KCNT2: variants seen among roughly 807,000 people sequenced by gnomAD.
KCNT2 encodes the protein potassium channel subfamily T member 2.
KCNT2 carries 67 observed loss-of-function variants against 153.8 expected under a neutral mutation model. That is an observed-to-expected ratio of 0.44 (90% CI 0.36 to 0.53). The LOEUF (loss-of-function observed/expected upper bound fraction) is 0.53, where lower values mean the gene tolerates loss of function less well. KCNT2 is among the 20% of genes least tolerant of loss of function. KCNT2 has a pLI of 0.00. For synonymous variants in KCNT2, 500 were observed against 458.8 expected (o/e 1.09, Z -1.15); for missense variants, 975 against 1,354.8 (o/e 0.72, Z 4.40).
intron 14 of KCNT2, 67 bp from the exon 15 acceptor site, chr1:196,342,295 A>T (rs1396360286): frequency 3.0e-5 from 42 of 1,409,670 alleles, no homozygotes; most frequent in Non-Finnish European, 4.1e-5. Context: ...GTTAAAAAAC[A>T]GTTGTTATAG....
chr1:196,337,751 T>C (rs2148136934), intron 16 of KCNT2, among the ~76,000 whole-genome samples: 1 of 152,262 alleles, frequency 6.6e-6, no homozygotes, highest in Non-Finnish European at 1.5e-5. Flanking sequence ...GCACTTCATT[T>C]AAAATCTGCT....
intron 13 of KCNT2, among the ~76,000 whole-genome samples, chr1:196,375,043 C>A (rs1219143666): frequency 6.6e-6 from 1 of 151,644 alleles, no homozygotes; most frequent in Non-Finnish European, 1.5e-5. Context: ...ATGTGTTATA[C>A]TTTGAAAATA....
At chr1:196,608,093 C>A in intron 1 of KCNT2, 122 bp downstream of exon 1, 3 of 828,390 alleles carry the variant, frequency 3.6e-6, no homozygotes, top group South Asian at 1.4e-5. Flanking sequence ...ACTCCCTCCC[C>A]CAGCCTAGTC....
At chr1:196,447,156 TCA>T (rs1176589824) in intron 8 of KCNT2, among the ~76,000 whole-genome samples, 3 of 151,528 alleles carry the variant, frequency 2.0e-5, no homozygotes, top group Admixed American at 1.3e-4. Context: ...TGATAAAAAC[TCA>T]GTTTCATTTC....
At chr1:196,331,531 A>G (rs1303074102) in intron 17 of KCNT2, among the ~76,000 whole-genome samples, 1 of 152,060 alleles carries the variant, frequency 6.6e-6, no homozygotes, top group Non-Finnish European at 1.5e-5. Flanking sequence ...CGAAAATTAT[A>G]CGAAGTTCAA....
intron 1 of KCNT2, among the ~76,000 whole-genome samples, chr1:196,586,674 G>C (rs1222337246): frequency 1.3e-5 from 2 of 151,560 alleles, no homozygotes; most frequent in Non-Finnish European, 2.9e-5. Flanking sequence ...AATAGTCAGA[G>C]GCAAATAATT....
rs1221194325 is a variant in KCNT2, at chr1:196,390,910, A to T, written c.1294+7653T>A. On this transcript the variant is annotated intron_variant, in intron 13 of 27. Transcript: ENST00000294725. ...TCATTCTTTTTTTTTTTTTTTTTTA[A>T]AAAAAAACATATGTTAGGAGACTCT... Among the ~76,000 whole-genome samples, 236 of 91,522 alleles carry T rather than the reference A, an allele frequency of 2.6e-3. 1 individual carries two copies. The highest frequency in any genetic ancestry group is 8.6e-3 in the East Asian group (27 of 3,152). 60.0% of individuals were successfully genotyped at this position (91,522 alleles called of 152,430 possible).
intron 15 of KCNT2, among the ~76,000 whole-genome samples, chr1:196,341,181 A>T (rs1665590386): frequency 6.6e-6 from 1 of 152,074 alleles, no homozygotes; most frequent in Non-Finnish European, 1.5e-5. Context: ...CTTTTAATAC[A>T]GCTAGCCTAA....
chr1:196,361,148 G>A (rs899326707), intron 14 of KCNT2, among the ~76,000 whole-genome samples: 5 of 151,788 alleles, frequency 3.3e-5, no homozygotes, highest in African/African-American at 1.2e-4. Flanking sequence ...TAAAAGAACC[G>A]GTTGAGTTAG....
At chr1:196,488,142 G>A (rs571858154) in intron 3 of KCNT2, among the ~76,000 whole-genome samples, 14 of 151,682 alleles carry the variant, frequency 9.2e-5, no homozygotes, top group South Asian at 2.1e-4. Flanking sequence ...TAATGTTTTC[G>A]TATCAGTTTT....
chr1:196,422,928 T>C (rs1046573147), intron 12 of KCNT2, 122 bp downstream of exon 12: 2 of 537,946 alleles, frequency 3.7e-6, no homozygotes. Flanking sequence ...AATATTTGTT[T>C]CCTTTTAGTA....
At chr1:196,348,135 C>T (rs936328398) in intron 14 of KCNT2, among the ~76,000 whole-genome samples, 1 of 151,464 alleles carries the variant, frequency 6.6e-6, no homozygotes, top group Non-Finnish European at 1.5e-5. Flanking sequence ...TATATAATTC[C>T]TTTTGCCTTC....
At chr1:196,298,747 C>T (rs1323296004) in intron 22 of KCNT2, among the ~76,000 whole-genome samples, 2 of 149,464 alleles carry the variant, frequency 1.3e-5, no homozygotes, top group Non-Finnish European at 3.0e-5. Context: ...TTTTCTGCTG[C>T]CCACACCAGC....
In KCNT2 at chr1:196,385,772, A is replaced by AAAAAAT. The variant is rs747480460; in HGVS notation, c.1295-12525_1295-12524insATTTTT. 5.6e-3 allele frequency among the ~76,000 whole-genome samples: 827 copies of AAAAAAT among 148,506 alleles called. 5 individuals are homozygous for AAAAAAT. Among genetic ancestry groups the AAAAAAT allele is most frequent in the African/African-American group, 0.013 (544 of 40,438 alleles). ...TATGGCACCATTTCTGCATTAAAAA[A>AAAAAAT]ATATATATATATATATATATTTTGG... On this transcript the variant is annotated intron_variant, in intron 13 of 27. Transcript: ENST00000294725.
At chr1:196,325,712 G>C (rs1663779060) in intron 19 of KCNT2, among the ~76,000 whole-genome samples, 1 of 152,038 alleles carries the variant, frequency 6.6e-6, no homozygotes, top group Non-Finnish European at 1.5e-5. Flanking sequence ...TATAGAAAAA[G>C]TCATTGAGTA....
intron 1 of KCNT2, among the ~76,000 whole-genome samples, chr1:196,539,144 T>C (rs1656000462): frequency 6.6e-6 from 1 of 152,238 alleles, no homozygotes; most frequent in African/African-American, 2.4e-5. Context: ...TTATTCATGA[T>C]AAACTAAGTT....
intron 8 of KCNT2, among the ~76,000 whole-genome samples, chr1:196,445,888 A>G (rs924025922): frequency 2.0e-5 from 3 of 151,004 alleles, no homozygotes; most frequent in Non-Finnish European, 3.0e-5. Context: ...GTATCTTTAC[A>G]GAATGGCCTC....
At chr1:196,319,297 A>C (rs1663044519) in intron 20 of KCNT2, among the ~76,000 whole-genome samples, 187 bp downstream of exon 20, 1 of 151,958 alleles carries the variant, frequency 6.6e-6, no homozygotes, top group South Asian at 2.1e-4. Flanking sequence ...TTAATTCAAC[A>C]ATAGATTACT....
chr1:196,248,149 G>A (rs1278587710), intron 26 of KCNT2, among the ~76,000 whole-genome samples: 7 of 151,810 alleles, frequency 4.6e-5, no homozygotes, highest in African/African-American at 9.7e-5. Context: ...CAATGAAAGC[G>A]GCACTTAGAG....
Sources: allele counts gnomAD v4.1 joint callset (sites outside exome capture counted in the v4.1 genomes callset), GRCh38; gene constraint gnomAD v4.1.1; transcripts MANE v1.5; gene names NCBI Gene and HGNC (gene_info 2026-07-23, HGNC 2026-07-21).